ARHGAP25: variants seen among roughly 807,000 people sequenced by gnomAD.
ARHGAP25 encodes the protein rho GTPase-activating protein 25.
A neutral mutation model predicts 71.0 loss-of-function variants in ARHGAP25; 34 were observed. That is an observed-to-expected ratio of 0.48 (90% CI 0.36 to 0.64). ARHGAP25 has a LOEUF of 0.64. ARHGAP25 is among the 30% of genes least tolerant of loss of function. The pLI is 0.00. For missense variants in ARHGAP25, 706 were observed against 805.1 expected (o/e 0.88, Z 1.49); for synonymous variants, 282 against 296.5 (o/e 0.95, Z 0.50).
Position 68,807,325 on chromosome 2 carries a change from C to T in ARHGAP25, c.519C>T (p.Gly173=). Residue 173 remains glycine (G), a synonymous_variant, in exon 5 of 11, where the codon GGC becomes GGT. Coordinates refer to ENST00000409202, the MANE Select transcript of ARHGAP25 (RefSeq NM_001007231.3). ...DETVAYEQKF[G]PHLVPILVEK... is the part of the protein sequence containing the mutation. ...CTGTGGCCTATGAACAGAAATTCGG[C>T]CCCCATCTGGTGCCCATCCTGGTGG... is the stretch of plus-strand genomic sequence containing the variant. 6.2e-7 allele frequency: 1 copy of T among 1,614,238 alleles called. No individual in the cohort carries two copies.
intron 4 of ARHGAP25, among the ~76,000 whole-genome samples, chr2:68,806,491 T>G (rs1680370973): frequency 1.3e-5 from 2 of 152,214 alleles, no homozygotes; most frequent in Non-Finnish European, 2.9e-5. Flanking sequence ...CTGAACCCTA[T>G]ACACATTATG....
chr2:68,780,194 A>C (rs1304471164), intron 2 of ARHGAP25, among the ~76,000 whole-genome samples: 1 of 152,260 alleles, frequency 6.6e-6, no homozygotes, highest in Non-Finnish European at 1.5e-5. Context: ...GGCAATTAGC[A>C]TAGAGTCAGA....
intron 10 of ARHGAP25, among the ~76,000 whole-genome samples, chr2:68,825,108 C>T (rs1682017531): frequency 6.6e-6 from 1 of 152,198 alleles, no homozygotes; most frequent in South Asian, 2.1e-4. Flanking sequence ...ATTCAGGAAT[C>T]CCACAGATTT....
At chr2:68,784,088 C>G (rs1678551780) in intron 3 of ARHGAP25, among the ~76,000 whole-genome samples, 1 of 152,104 alleles carries the variant, frequency 6.6e-6, no homozygotes, top group South Asian at 2.1e-4. Flanking sequence ...CTCTCATTAT[C>G]ACTTATGTTT....
intron 1 of ARHGAP25, among the ~76,000 whole-genome samples, chr2:68,769,853 A>G (rs1450541799): frequency 6.6e-6 from 1 of 152,190 alleles, no homozygotes; most frequent in Non-Finnish European, 1.5e-5. Context: ...TCCTGGATAA[A>G]GAGCAGGATG....
At chr2:68,749,258 A>G (rs1676016640) in intron 1 of ARHGAP25, among the ~76,000 whole-genome samples, 1 of 152,168 alleles carries the variant, frequency 6.6e-6, no homozygotes, top group Non-Finnish European at 1.5e-5. Context: ...TGATTTTTGA[A>G]CAAGGGGCTC....
intron 1 of ARHGAP25, among the ~76,000 whole-genome samples, chr2:68,740,286 T>C (rs1235323808): frequency 6.6e-6 from 1 of 152,196 alleles, no homozygotes; most frequent in Non-Finnish European, 1.5e-5. Context: ...ACTCGCTGTC[T>C]TTCTCACAGT....
In ARHGAP25 at chr2:68,753,126, A is replaced by G. The variant is rs1164117247; in HGVS notation, c.61+17866A>G. ...CCCAGTTGAGAACTATTAGCTATCT[A>G]TCCTTCTATTTATCTGTATCTAGAT... On this transcript the variant is annotated intron_variant, in intron 1 of 10. Coordinates refer to ENST00000409202, the MANE Select transcript of ARHGAP25 (RefSeq NM_001007231.3). Among the ~76,000 whole-genome samples, 7 of 152,152 alleles carry G rather than the reference A, an allele frequency of 4.6e-5. 1 individual carries two copies. Among genetic ancestry groups the G allele is most frequent in the Admixed American group, 3.9e-4 (6 of 15,274 alleles).
intron 2 of ARHGAP25, among the ~76,000 whole-genome samples, chr2:68,717,563 T>G (rs1674644918): frequency 6.6e-6 from 1 of 152,228 alleles, no homozygotes. Context: ...AAAACTGCAG[T>G]CTTGCATATG....
intron 10 of ARHGAP25, among the ~76,000 whole-genome samples, chr2:68,823,800 C>T (rs1052979244): frequency 1.3e-5 from 2 of 152,218 alleles, no homozygotes; most frequent in Non-Finnish European, 2.9e-5. Context: ...AGTTAGGCAG[C>T]TATTGCCTCT....
chr2:68,715,735 T>C (rs113572262), intron 2 of ARHGAP25, among the ~76,000 whole-genome samples: 3 of 152,288 alleles, frequency 2.0e-5, no homozygotes, highest in African/African-American at 7.2e-5. Context: ...GGACTTCTTG[T>C]ATGATATGTA....
At chr2:68,810,684 G>T in intron 5 of ARHGAP25, among the ~76,000 whole-genome samples, 1 of 143,934 alleles carries the variant, frequency 6.9e-6, no homozygotes, top group South Asian at 2.3e-4. Flanking sequence ...TATTGTTGTT[G>T]TTTCTCTTCA....
At chr2:68,754,048 G>A (rs1035678847) in intron 1 of ARHGAP25, among the ~76,000 whole-genome samples, 2 of 151,808 alleles carry the variant, frequency 1.3e-5, no homozygotes, top group South Asian at 2.1e-4. Flanking sequence ...GACTACAGGC[G>A]CCCGCCACCA....
chr2:68,782,418 C>CAACT, intron 3 of ARHGAP25, 98 bp downstream of exon 3: 1 of 1,089,574 alleles, frequency 9.2e-7, no homozygotes, highest in Non-Finnish European at 1.4e-6. Context: ...GAGAGTAATT[C>CAACT]AACTAACTAA....
intron 4 of ARHGAP25, among the ~76,000 whole-genome samples, chr2:68,798,176 G>A (rs1679710296): frequency 6.6e-6 from 1 of 152,160 alleles, no homozygotes; most frequent in African/African-American, 2.4e-5. Context: ...ATATTGAATT[G>A]TTATATACCT....
chr2:68,745,815 C>G (rs1208634031), intron 1 of ARHGAP25, among the ~76,000 whole-genome samples: 1 of 152,202 alleles, frequency 6.6e-6, no homozygotes, highest in African/African-American at 2.4e-5. Flanking sequence ...AAGGTGCTTT[C>G]AAGATCCATG....
chr2:68,813,540 A>T (rs1216880753), intron 6 of ARHGAP25, 121 bp downstream of exon 6: 1 of 1,121,208 alleles, frequency 8.9e-7, no homozygotes, highest in East Asian at 2.6e-5. Context: ...GTCAAATGCA[A>T]CTTCCTCAGC....
At chr2:68,802,698 T>A (rs1420218921) in intron 4 of ARHGAP25, among the ~76,000 whole-genome samples, 2 of 85,768 alleles carry the variant, frequency 2.3e-5, no homozygotes, top group African/African-American at 3.8e-5. Context: ...CTTATGGGAA[T>A]AGAGGAGAAA....
chr2:68,790,561 A>G (rs894503268), intron 4 of ARHGAP25, among the ~76,000 whole-genome samples: 3 of 152,152 alleles, frequency 2.0e-5, no homozygotes, highest in Non-Finnish European at 4.4e-5. Flanking sequence ...CCTCCCAAAT[A>G]TTGTGAAGTC....
Sources: allele counts gnomAD v4.1 joint callset (sites outside exome capture counted in the v4.1 genomes callset), GRCh38; gene constraint gnomAD v4.1.1; transcripts MANE v1.5; gene names NCBI Gene and HGNC (gene_info 2026-07-23, HGNC 2026-07-21).